The following LAT variants were observed in gnomAD, a reference collection of about 807,000 sequenced individuals.
LAT encodes linker for activation of T cells.
LAT carries 12 observed loss-of-function variants against 39.1 expected under a neutral mutation model. The observed-to-expected ratio is 0.31, with a 90% CI of 0.20 to 0.50. The LOEUF is 0.50. Among genes scored for constraint, LAT ranks in the 20% least tolerant of loss-of-function variants. The pLI is 0.98. For missense variants in LAT, 253 were observed against 308.0 expected, an observed-to-expected ratio of 0.82 and a Z score of 1.34; for synonymous variants, 117 against 123.8, an observed-to-expected ratio of 0.95 and a Z score of 0.36.
chr16:28,986,113 C>A lies in LAT; in HGVS notation c.164-22C>A. On this transcript the variant is annotated intron_variant, in intron 3 of 11. Coordinates refer to ENST00000395456, the MANE Select transcript of LAT (RefSeq NM_001014987.2). This position sits in a 1 kb window ranked among gnomAD's most constrained non-coding sequence, Gnocchi z 5.7. ...TTGACGATGTCCGGAGTCCTTCTTT[C>A]AACTTGGTTCTGTGTCCTCAGACAC... The A allele has an allele frequency of 6.3e-7, 1 of 1,576,816 alleles. No individual in the cohort carries two copies. The highest frequency in any genetic ancestry group is 8.6e-7 in the Non-Finnish European group (1 of 1,159,658).
Position 28,985,778 on chromosome 16 carries a change from C to T in LAT, c.128+38C>T, listed in dbSNP as rs776379318. ...CAGCCGCCCTGGGTCTCCCTCCACA[C>T]CCCATGGCGGGGCAGGGCTGGGGCT... On this transcript the variant is annotated intron_variant, in intron 2 of 11. Transcript: ENST00000395456. The surrounding 1 kb of genome is among the most constrained non-coding windows in gnomAD (Gnocchi z 4.6). 1 of 1,613,656 alleles carries T rather than the reference C, an allele frequency of 6.2e-7. No individual in the cohort carries two copies.
rs1359563225 is a variant in LAT at position 28,989,778 on chromosome 16, C to T, written c.561C>T (p.Gly187=). Residue 187 remains glycine, a synonymous_variant, in exon 10 of 12, where the codon GGC becomes GGT. Coordinates refer to ENST00000395456, the MANE Select transcript of LAT (RefSeq NM_001014987.2). ...CCTTCTGATCTGTCCCCACAGATGG[C>T]AGCCGGGAGTATGTGAATGTGTCCC... ...SGESAEASLD[G]SREYVNVSQE... The T allele has an allele frequency of 6.2e-7, 1 of 1,614,124 alleles. No individual in the cohort carries two copies. Among genetic ancestry groups the T allele is most frequent in the Non-Finnish European group, 8.5e-7 (1 of 1,180,022 alleles).
chr16:28,985,073 G>A lies in LAT; in HGVS notation c.-345G>A. The A allele has an allele frequency of 7.0e-7, 1 of 1,427,000 alleles. No individual in the cohort carries two copies. The highest frequency in any genetic ancestry group is 9.1e-7 in the Non-Finnish European group (1 of 1,095,160). 88.4% of individuals were successfully genotyped at this position (1,427,000 alleles called of 1,614,324 possible). The stretch of plus-strand genomic sequence containing the variant: ...CACCACAGCTTCCTGCCGCAGGCGG[G>A]CGGGAGGGCGGGCACGGAGAGGCGG... On this transcript the variant is annotated 5_prime_UTR_variant, in exon 1 of 12. Transcript: ENST00000395456. This position sits in a 1 kb window ranked among gnomAD's most constrained non-coding sequence, Gnocchi z 4.6.
chr16:28,985,020 T>TG (rs1333625947), upstream of LAT: 2 of 1,423,268 alleles, frequency 1.4e-6, no homozygotes, highest in Non-Finnish European at 1.8e-6. The surrounding 1 kb of genome is among the most constrained non-coding windows in gnomAD (Gnocchi z 4.6). Context: ...GCTGAGAGCT[T>TG]GATGATTTCC....
At chr16:28,988,403 C>G (rs906635702) in intron 8 of LAT, 1 of 152,320 alleles carries the variant, frequency 6.6e-6, no homozygotes, top group South Asian at 2.1e-4. Context: ...CAAAAACAAA[C>G]AAGAAACACA....
chr16:28,985,639 G>C lies in LAT; in HGVS notation c.101-74G>C, dbSNP rs950284408. ...CCTCCGTCCTGATCCCAGCGCCTCT[G>C]AGAGTCCCTGGATCCCAGCACCTTC... On this transcript the variant is annotated intron_variant, in intron 1 of 11. Transcript: ENST00000395456. This position sits in a 1 kb window ranked among gnomAD's most constrained non-coding sequence, Gnocchi z 4.6. The C allele has an allele frequency of 8.4e-5, 135 of 1,605,084 alleles. No homozygotes were observed. Among genetic ancestry groups the C allele is most frequent in the Non-Finnish European group, 1.1e-4 (128 of 1,172,520 alleles).
chr16:28,985,361 G>C lies in LAT; in HGVS notation c.-57G>C, dbSNP rs1249618194. The C allele has an allele frequency of 1.2e-6, 2 of 1,607,976 alleles. No homozygotes were observed. The highest frequency in any genetic ancestry group is 4.5e-5 in the East Asian group (2 of 44,818). On this transcript the variant is annotated 5_prime_UTR_variant, in exon 1 of 12. Transcript: ENST00000395456. The surrounding 1 kb of genome is among the most constrained non-coding windows in gnomAD (Gnocchi z 4.6). ...CCTCACCCCATCTTCATCTGGCCTTGACTCTGCCCTTGAGGGGCCTAGGGG... is the reference window on the plus strand; with the variant it reads ...CCTCACCCCATCTTCATCTGGCCTTCACTCTGCCCTTGAGGGGCCTAGGGG...
chr16:28,987,306 C>T (rs775437104), intron 8 of LAT, among the ~76,000 whole-genome samples: 43 of 152,304 alleles, frequency 2.8e-4, no homozygotes, highest in Admixed American at 1.4e-3. Context: ...TATTCTTCAA[C>T]CCTTCCACTG....
At position 28,986,675 on chromosome 16, in the gene LAT, C is replaced by CGGATGA. The variant is rs778252069; in HGVS notation, c.369_374dup (p.Glu124_Asp125dup). On this transcript the variant is annotated inframe_insertion, in exon 7 of 12. Transcript: ENST00000395456. The surrounding 1 kb of genome is among the most constrained non-coding windows in gnomAD (Gnocchi z 5.7). Reference sequence around the variant, plus strand: ...CCCCCAGAACCAGCCTGTGAGGATGCGGATGAGGATGAGGACGACTATCAC... The same window carrying CGGATGA: ...CCCCCAGAACCAGCCTGTGAGGATGCGGATGAGGATGAGGATGAGGACGACTATCAC... 6.2e-7 allele frequency: 1 copy of CGGATGA among 1,613,704 alleles called. No individual in the cohort carries two copies. The highest frequency in any genetic ancestry group is 8.5e-7 in the Non-Finnish European group (1 of 1,179,802).
At position 28,985,710 on chromosome 16, in the gene LAT, C is replaced by A; in HGVS notation, c.101-3C>A. On this transcript the variant is annotated splice_polypyrimidine_tract_variant and splice_region_variant and intron_variant, in intron 1 of 11. Coordinates refer to ENST00000395456, the MANE Select transcript of LAT (RefSeq NM_001014987.2). The surrounding 1 kb of genome is among the most constrained non-coding windows in gnomAD (Gnocchi z 4.6). ...CCTGCCTCACCAGCCCTCTCTTTCC[C>A]AGGCTCCTACGACAGCACATCCTCA... 6.2e-7 allele frequency: 1 copy of A among 1,613,882 alleles called. No homozygotes were observed. The highest frequency in any genetic ancestry group is 1.3e-5 in the African/African-American group (1 of 75,034).
At position 28,985,989 on chromosome 16, in the gene LAT, G is replaced by T; in HGVS notation, c.163+101G>T. 1 of 1,469,128 alleles carries T rather than the reference G, an allele frequency of 6.8e-7. No homozygotes were observed. The highest frequency in any genetic ancestry group is 9.5e-7 in the Non-Finnish European group (1 of 1,048,720). The allele number at this position is 1,469,128 out of a possible 1,614,324, so 91.0% of individuals were successfully genotyped here. ...AGACTTCCCCTGCCACCTTGGGGCT[G>T]CCCACATGGCCTTGACCTGAGCTGG... On this transcript the variant is annotated intron_variant, in intron 3 of 11. Transcript: ENST00000395456. This position sits in a 1 kb window ranked among gnomAD's most constrained non-coding sequence, Gnocchi z 4.6.
chr16:28,989,692 C>T, intron 9 of LAT, 82 bp from the exon 10 acceptor site: 1 of 1,591,248 alleles, frequency 6.3e-7, no homozygotes, highest in Non-Finnish European at 8.6e-7. Flanking sequence ...ACCCTCTGCC[C>T]CCTCTGTCTG....
At chr16:28,990,163 T>C (rs950709176) in intron 11 of LAT, 26 bp from the exon 12 acceptor site, 7 of 736,014 alleles carry the variant, frequency 9.5e-6, no homozygotes, top group African/African-American at 3.5e-5. Context: ...CTGATCCGTA[T>C]CCCTCCCTGC....
chr16:28,985,319 T>A lies in LAT; in HGVS notation c.-99T>A, dbSNP rs978637301. 4.5e-6 allele frequency: 7 copies of A among 1,551,744 alleles called. No homozygotes were observed. The African/African-American group carries it at 9.5e-5, about 21-fold the overall frequency. On this transcript the variant is annotated 5_prime_UTR_variant, in exon 1 of 12. Coordinates refer to ENST00000395456, the MANE Select transcript of LAT (RefSeq NM_001014987.2). This position sits in a 1 kb window ranked among gnomAD's most constrained non-coding sequence, Gnocchi z 4.6. ...CACCTGGTGCCTACCTGCCCCCTGC[T>A]CCCTGCCGGGTCCGGTCCTCACCCC...
Position 28,986,279 on chromosome 16 carries a change from T to C in LAT, c.245+63T>C. The C allele has an allele frequency of 6.4e-7, 1 of 1,554,484 alleles. No individual in the cohort carries two copies. Among genetic ancestry groups the C allele is most frequent in the South Asian group, 1.1e-5 (1 of 87,570 alleles). ...GCCCCTCCCCCTCCAAACTCCACTC[T>C]CTACCCCTTCACTTTTTTGGATTGG... is the stretch of plus-strand genomic sequence containing the variant. On this transcript the variant is annotated intron_variant, in intron 4 of 11. Transcript: ENST00000395456. This position sits in a 1 kb window ranked among gnomAD's most constrained non-coding sequence, Gnocchi z 5.7.
Position 28,985,760 on chromosome 16 carries a change from C to T in LAT, c.128+20C>T. The T allele has an allele frequency of 6.2e-7, 1 of 1,614,134 alleles. No homozygotes were observed. Among genetic ancestry groups the T allele is most frequent in the Non-Finnish European group, 8.5e-7 (1 of 1,180,000 alleles). ...AGATAGGTGAGTCCGCCCCAGCCGC[C>T]CTGGGTCTCCCTCCACACCCCATGG... On this transcript the variant is annotated intron_variant, in intron 2 of 11. Coordinates refer to ENST00000395456, the MANE Select transcript of LAT (RefSeq NM_001014987.2). This position sits in a 1 kb window ranked among gnomAD's most constrained non-coding sequence, Gnocchi z 4.6.
At position 28,986,199 on chromosome 16, in the gene LAT, A is replaced by G; in HGVS notation, c.228A>G (p.Pro76=). The G allele has an allele frequency of 6.2e-7, 1 of 1,600,164 alleles. No individual in the cohort carries two copies. The highest frequency in any genetic ancestry group is 8.5e-7 in the Non-Finnish European group (1 of 1,172,614). ...PVTSYPPLSQ[P]DLLPIPRSPQ... Reference sequence around the variant, plus strand: ...CCTCCTACCCACCCCTGAGCCAGCCAGACCTGCTCCCCATCCCGTGAGTAG... The same window carrying G: ...CCTCCTACCCACCCCTGAGCCAGCCGGACCTGCTCCCCATCCCGTGAGTAG... Residue 76 remains proline (P), a synonymous_variant, in exon 4 of 12, where the codon CCA becomes CCG. Coordinates refer to ENST00000395456, the MANE Select transcript of LAT (RefSeq NM_001014987.2). The surrounding 1 kb of genome is among the most constrained non-coding windows in gnomAD (Gnocchi z 5.7).
In LAT at chr16:28,990,480, G is replaced by A. The variant is rs1965845779; in HGVS notation, c.*299G>A. 4 of 318,266 alleles carry A rather than the reference G, an allele frequency of 1.3e-5. No individual in the cohort carries two copies. Among genetic ancestry groups the A allele is most frequent in the South Asian group, 4.9e-5 (2 of 40,698 alleles). 19.7% of individuals were successfully genotyped at this position (318,266 alleles called of 1,614,324 possible). Reference sequence around the variant, plus strand: ...AGCGTGCGTCTGTGTGTGCCTGTGTGCGAGTCTGAGTCAGAGATTTGGAGA... The same window carrying A: ...AGCGTGCGTCTGTGTGTGCCTGTGTACGAGTCTGAGTCAGAGATTTGGAGA... On this transcript the variant is annotated 3_prime_UTR_variant, in exon 12 of 12. Coordinates refer to ENST00000395456, the MANE Select transcript of LAT (RefSeq NM_001014987.2).
In LAT at chr16:28,989,823, G is replaced by A. The variant is rs765425662; in HGVS notation, c.606G>A (p.Ala202=). The change falls in exon 10 of 12, where the codon GCG becomes GCA. Residue 202 remains alanine (A), a synonymous_variant. Coordinates refer to ENST00000395456, the MANE Select transcript of LAT (RefSeq NM_001014987.2). ...TGTCCCAGGAACTGCATCCTGGAGC[G>A]GCTAAGACTGAGCCTGGTGTGTTCT... is the stretch of plus-strand genomic sequence containing the variant. ...VNVSQELHPG[A]AKTEPAALSS... The A allele has an allele frequency of 1.8e-5, 29 of 1,614,148 alleles. 1 individual carries two copies. Among genetic ancestry groups the A allele is most frequent in the South Asian group, 1.4e-4 (13 of 91,088 alleles).
Sources: allele counts gnomAD v4.1 joint callset (sites outside exome capture counted in the v4.1 genomes callset), GRCh38; gene constraint gnomAD v4.1.1; non-coding constraint Gnocchi (gnomAD v3.1); transcripts MANE v1.5; gene names NCBI Gene and HGNC (gene_info 2026-07-23, HGNC 2026-07-21).